The following DNAH9 variants were observed in gnomAD, a reference collection of about 807,000 sequenced individuals.
DNAH9 encodes DNAH9 variant protein.
DNAH9 carries 345 observed loss-of-function variants against 471.6 expected under a neutral mutation model. That is an observed-to-expected ratio of 0.73 (90% CI 0.67 to 0.80). DNAH9 has a LOEUF of 0.80. Among genes scored for constraint, DNAH9 ranks in the 30% least tolerant of loss-of-function variants. DNAH9 has a pLI of 0.00. For synonymous variants in DNAH9, 2,093 were observed against 2,123.6 expected (o/e 0.99, Z 0.40); for missense variants, 5,407 against 5,609.2 (o/e 0.96, Z 1.15).
At position 11,875,048 on chromosome 17, in the gene DNAH9, A is replaced by C; in HGVS notation, c.10342A>C (p.Met3448Leu). ...GAACGAGGGCCTCCCAGCCGACCGC[A>C]TGTCCGTGGAGAATGCCACCATTCT... ...WQNEGLPADR[M>L]SVENATILIN... Residue 3448 changes from methionine to leucine, a missense_variant, in exon 53 of 69, where the codon ATG (methionine) becomes CTG (leucine). Physicochemically the swap from Met to Leu is conservative, Grantham distance 15. Transcript: ENST00000262442. The C allele has an allele frequency of 6.2e-7, 1 of 1,614,112 alleles. No homozygotes were observed. Among genetic ancestry groups the C allele is most frequent in the Non-Finnish European group, 8.5e-7 (1 of 1,180,024 alleles).
chr17:11,936,647 C>G (rs1393387072), intron 65 of DNAH9, among the ~76,000 whole-genome samples: 1 of 151,866 alleles, frequency 6.6e-6, no homozygotes, highest in African/African-American at 2.4e-5. Flanking sequence ...GTCTCACACA[C>G]ACACAATAAA....
At chr17:11,670,478 T>C (rs1287400329) in intron 17 of DNAH9, among the ~76,000 whole-genome samples, 2 of 152,176 alleles carry the variant, frequency 1.3e-5, no homozygotes, top group African/African-American at 4.8e-5. Flanking sequence ...TGCACAGTGA[T>C]TGCCCTTTGG....
At chr17:11,874,920 A>C (rs754060695) in intron 52 of DNAH9, 29 bp from the exon 53 acceptor site, 1 of 1,526,606 alleles carries the variant, frequency 6.6e-7, no homozygotes, top group South Asian at 1.1e-5. Flanking sequence ...TTCTGTTCTG[A>C]GCGTGGGGTG....
At chr17:11,803,173 T>C (rs1342331086) in intron 43 of DNAH9, among the ~76,000 whole-genome samples, 1 of 152,254 alleles carries the variant, frequency 6.6e-6, no homozygotes, top group Non-Finnish European at 1.5e-5. Flanking sequence ...TTCAGCAGAT[T>C]CTTGTTCTGC....
At chr17:11,783,493 T>C (rs962886023) in intron 39 of DNAH9, among the ~76,000 whole-genome samples, 153 bp from the exon 40 acceptor site, 4 of 152,192 alleles carry the variant, frequency 2.6e-5, no homozygotes, top group African/African-American at 9.7e-5. Context: ...ATCTGTCTTA[T>C]GCTCTTATCT....
intron 28 of DNAH9, among the ~76,000 whole-genome samples, chr17:11,731,932 T>A (rs1192713649): frequency 3.9e-5 from 6 of 152,108 alleles, no homozygotes; most frequent in Non-Finnish European, 8.8e-5. Flanking sequence ...GGATGGCGGG[T>A]CAAATGGTAT....
Position 11,923,922 on chromosome 17 carries a change from G to T in DNAH9, c.11858G>T (p.Gly3953Val). 2 of 1,613,950 alleles carry T rather than the reference G, an allele frequency of 1.2e-6. No homozygotes were observed. The highest frequency in any genetic ancestry group is 1.7e-6 in the Non-Finnish European group (2 of 1,179,906). Residue 3953 changes from glycine to valine, a missense_variant, in exon 62 of 69, where the codon GGT becomes GTT. Around this residue, in one of 3 missense-constraint regions of DNAH9, gnomAD observed 4,636 missense variants for 4,900.3 expected, o/e 0.95. Transcript: ENST00000262442. ...GCGCTGGACCTCGCTGCCAAGAAAG[G>T]TCACTGGGTTATTTTGCAGGTATGT... The part of the protein sequence containing the change: ...EAALDLAAKK[G>V]HWVILQNIHL...
At chr17:11,645,677 T>C (rs1056583895) in intron 11 of DNAH9, among the ~76,000 whole-genome samples, 2 of 151,938 alleles carry the variant, frequency 1.3e-5, no homozygotes, top group African/African-American at 4.8e-5. Context: ...AAGCATGCTG[T>C]TTCTCACCTC....
chr17:11,670,590 T>A (rs1028242247), intron 17 of DNAH9, among the ~76,000 whole-genome samples: 11 of 152,172 alleles, frequency 7.2e-5, no homozygotes, highest in Non-Finnish European at 1.6e-4. Context: ...TCTGGAGCCA[T>A]AGGCAGAAAG....
At chr17:11,783,884 C>A in intron 40 of DNAH9, 136 bp downstream of exon 40, 1 of 686,448 alleles carries the variant, frequency 1.5e-6, no homozygotes, top group Non-Finnish European at 2.5e-6. Context: ...TGCCAAATTG[C>A]ATCTCTAGGG....
chr17:11,829,184 G>A (rs745647397), intron 48 of DNAH9, among the ~76,000 whole-genome samples: 3 of 152,174 alleles, frequency 2.0e-5, no homozygotes, highest in Non-Finnish European at 4.4e-5. Context: ...TTAATCTGCA[G>A]TTGTTCCTTT....
chr17:11,762,770 G>GTTGTTTTTTT (rs1967746481), intron 35 of DNAH9, among the ~76,000 whole-genome samples: 1 of 90,744 alleles, frequency 1.1e-5, no homozygotes, highest in African/African-American at 4.1e-5. Context: ...TTTTTTTTTT[G>GTTGTTTTTTT]TTTTTTTTTT....
intron 52 of DNAH9, 43 bp from the exon 53 acceptor site, chr17:11,874,906 C>G: frequency 7.0e-7 from 1 of 1,431,714 alleles, no homozygotes; most frequent in Non-Finnish European, 9.8e-7. Flanking sequence ...CTGAGAATGT[C>G]TGCTTCTGTT....
At chr17:11,678,382 C>T (rs936689202) in intron 17 of DNAH9, among the ~76,000 whole-genome samples, 43 of 152,352 alleles carry the variant, frequency 2.8e-4, no homozygotes, top group Admixed American at 8.5e-4. Flanking sequence ...AGGTATATCC[C>T]ATTAGAAGTT....
chr17:11,722,392 G>A (rs1467635320), intron 27 of DNAH9, among the ~76,000 whole-genome samples: 1 of 152,200 alleles, frequency 6.6e-6, no homozygotes, highest in Non-Finnish European at 1.5e-5. Context: ...GAGAAAGGAA[G>A]AGACTGGAAG....
chr17:11,842,850 C>T (rs1281583915), intron 49 of DNAH9, among the ~76,000 whole-genome samples: 1 of 152,176 alleles, frequency 6.6e-6, no homozygotes, highest in Non-Finnish European at 1.5e-5. Context: ...TGTTAATCTC[C>T]TTTGGCAACA....
intron 67 of DNAH9, among the ~76,000 whole-genome samples, chr17:11,949,934 T>C (rs569747086): frequency 6.6e-6 from 1 of 152,370 alleles, no homozygotes; most frequent in Admixed American, 6.5e-5. Flanking sequence ...GAATACATTA[T>C]AATCTTATTA....
intron 61 of DNAH9, among the ~76,000 whole-genome samples, chr17:11,915,749 C>G (rs1973932131): frequency 6.6e-6 from 1 of 152,212 alleles, no homozygotes; most frequent in Non-Finnish European, 1.5e-5. Context: ...ACTCATCCTG[C>G]AAATTACCAG....
At chr17:11,824,444 C>T (rs1970418824) in intron 48 of DNAH9, among the ~76,000 whole-genome samples, 1 of 152,126 alleles carries the variant, frequency 6.6e-6, no homozygotes, top group African/African-American at 2.4e-5. Context: ...AGGAAGTGGT[C>T]CTTCTGTGAT....
Sources: gnomAD v4.1 joint callset for allele counts (sites outside exome capture counted in the v4.1 genomes callset) on GRCh38, gnomAD v4.1.1 for gene constraint, gnomAD v4.1.1 regional missense constraint, MANE v1.5 for transcripts, NCBI Gene and HGNC (gene_info 2026-07-23, HGNC 2026-07-21) for gene names.